The following LARGE1 variants were observed in gnomAD, a reference collection of about 807,000 sequenced individuals.
The protein encoded by LARGE1 is LARGE xylosyl- and glucuronyltransferase 1.
A neutral mutation model predicts 87.6 loss-of-function variants in LARGE1; 43 were observed. The observed-to-expected ratio is 0.49, with a 90% CI of 0.38 to 0.63. The LOEUF (loss-of-function observed/expected upper bound fraction) is 0.63, where lower values mean the gene tolerates loss of function less well. Among genes scored for constraint, LARGE1 ranks in the 30% least tolerant of loss-of-function variants. The pLI, the probability that LARGE1 is intolerant of heterozygous loss-of-function variation, is 0.00. For missense variants in LARGE1, 802 were observed against 1,000.2 expected, an observed-to-expected ratio of 0.80 and a Z score of 2.67; for synonymous variants, 434 against 394.6, an observed-to-expected ratio of 1.10 and a Z score of -1.18.
At chr22:33,120,017 AAT>A in the LARGE1 span, among the ~76,000 whole-genome samples, 34,198 of 149,566 alleles carry the variant, frequency 0.23, 4,751 homozygotes, top group Non-Finnish European at 0.32. Context: ...CTTGGCTGTT[AAT>A]AGTCTCCTTT....
intron 1 of LARGE1, among the ~76,000 whole-genome samples, chr22:33,905,270 C>T (rs62225073): frequency 0.052 from 7,906 of 151,756 alleles, 244 homozygotes; most frequent in African/African-American, 0.071. Context: ...GGTTTCACTA[C>T]GTTGCCAGGG....
intron 6 of LARGE1, among the ~76,000 whole-genome samples, chr22:33,437,590 T>A (rs1219707886): frequency 1.3e-5 from 2 of 152,166 alleles, no homozygotes. Flanking sequence ...TTTGCTCTTA[T>A]GGAAGCACCC....
chr22:33,661,550 G>A (rs969215405), intron 2 of LARGE1, among the ~76,000 whole-genome samples: 8 of 151,668 alleles, frequency 5.3e-5, no homozygotes, highest in Admixed American at 5.3e-4. Flanking sequence ...GAGGAGCACT[G>A]ACAATAATGT....
At chr22:33,588,020 C>T (rs1305571241) in intron 5 of LARGE1, among the ~76,000 whole-genome samples, 1 of 152,198 alleles carries the variant, frequency 6.6e-6, no homozygotes, top group Non-Finnish European at 1.5e-5. Flanking sequence ...TATCGGCCTT[C>T]TCTTTTTATG....
intron 1 of LARGE1, among the ~76,000 whole-genome samples, chr22:33,908,667 T>A (rs1166717570): frequency 1.3e-5 from 2 of 152,086 alleles, no homozygotes; most frequent in Admixed American, 1.3e-4. Context: ...TGAGGGTAAG[T>A]ACACAGAACA....
At chr22:33,699,428 C>A (rs1306552957) in intron 2 of LARGE1, among the ~76,000 whole-genome samples, 1 of 152,188 alleles carries the variant, frequency 6.6e-6, no homozygotes, top group Non-Finnish European at 1.5e-5. Flanking sequence ...TAGCAACATT[C>A]CTAGAAGCAG....
At chr22:33,349,088 T>A (rs1940105524) in intron 9 of LARGE1, among the ~76,000 whole-genome samples, 1 of 152,144 alleles carries the variant, frequency 6.6e-6, no homozygotes, top group African/African-American at 2.4e-5. Flanking sequence ...CTCTTTTTCT[T>A]TATAAATCAC....
chr22:33,418,029 C>T (rs762720272), intron 7 of LARGE1, among the ~76,000 whole-genome samples: 1 of 152,134 alleles, frequency 6.6e-6, no homozygotes, highest in Non-Finnish European at 1.5e-5. Flanking sequence ...CTCACTGCAA[C>T]CTCCACCTCC....
At chr22:33,068,245 T>A in the LARGE1 span, among the ~76,000 whole-genome samples, 1 of 152,190 alleles carries the variant, frequency 6.6e-6, no homozygotes, top group Admixed American at 6.5e-5. Context: ...CCCTTGAGAT[T>A]GTGCATAAAG....
At chr22:33,878,137 T>TC in intron 1 of LARGE1, among the ~76,000 whole-genome samples, 1 of 96,156 alleles carries the variant, frequency 1.0e-5, no homozygotes, top group South Asian at 3.2e-4. Context: ...TTCTTTTTTT[T>TC]TTTTTTTTTT....
chr22:33,536,608 G>A (rs1478873324), intron 6 of LARGE1, among the ~76,000 whole-genome samples: 1 of 152,144 alleles, frequency 6.6e-6, no homozygotes, highest in Admixed American at 6.5e-5. Context: ...CTACTTTCAT[G>A]AATAAATTTG....
intron 9 of LARGE1, among the ~76,000 whole-genome samples, chr22:33,343,282 C>T (rs1025474727): frequency 2.0e-5 from 3 of 152,074 alleles, no homozygotes; most frequent in African/African-American, 7.2e-5. Context: ...CCATGTCCAG[C>T]TAATTTTGTT....
At chr22:33,820,920 G>A (rs775495615) in intron 1 of LARGE1, among the ~76,000 whole-genome samples, 2 of 151,986 alleles carry the variant, frequency 1.3e-5, no homozygotes, top group Non-Finnish European at 2.9e-5. Context: ...CTCCCACATG[G>A]CTCTCTGTTC....
chr22:33,724,565 T>G (rs1297126637), intron 2 of LARGE1, among the ~76,000 whole-genome samples: 1 of 152,164 alleles, frequency 6.6e-6, no homozygotes, highest in African/African-American at 2.4e-5. Context: ...AGAGTTGATA[T>G]AATGTAGACC....
chr22:33,090,755 G>A, the LARGE1 span, among the ~76,000 whole-genome samples: 12 of 152,164 alleles, frequency 7.9e-5, no homozygotes, highest in African/African-American at 2.4e-4. Context: ...AGGCAGTGAC[G>A]GTATAAATAG....
At chr22:33,348,270 T>C (rs1050597741) in intron 9 of LARGE1, among the ~76,000 whole-genome samples, 378 of 71,816 alleles carry the variant, frequency 5.3e-3, no homozygotes, top group South Asian at 0.011. Context: ...CTGTCCCCGC[T>C]CCCCCACCCA....
At chr22:33,183,620 G>GCACGCA (rs1555880674) in intron 11 of LARGE1, among the ~76,000 whole-genome samples, 86 of 137,920 alleles carry the variant, frequency 6.2e-4, no homozygotes, top group Middle Eastern at 3.9e-3. Context: ...ACACACACAC[G>GCACGCA]CACACACACA....
At chr22:33,552,537 A>G (rs964078879) in intron 6 of LARGE1, among the ~76,000 whole-genome samples, 2 of 151,122 alleles carry the variant, frequency 1.3e-5, no homozygotes, top group African/African-American at 4.8e-5. Context: ...ATCAAGGAAG[A>G]GTCTGCTAAG....
chr22:33,336,952 T>C (rs553890154), intron 10 of LARGE1, among the ~76,000 whole-genome samples: 26 of 151,950 alleles, frequency 1.7e-4, no homozygotes, highest in Middle Eastern at 3.4e-3. Context: ...TCCCAATTAC[T>C]TGGGAGGCTG....
Sources: gnomAD v4.1 joint callset for allele counts (sites outside exome capture counted in the v4.1 genomes callset) on GRCh38, gnomAD v4.1.1 for gene constraint, MANE v1.5 for transcripts, NCBI Gene and HGNC (gene_info 2026-07-23, HGNC 2026-07-21) for gene names.